Variants in THSD4 observed in about 807,000 individuals in gnomAD.
The protein encoded by THSD4 is thrombospondin type-1 domain-containing protein 4.
In THSD4, 69 loss-of-function variants were observed where a neutral mutation model predicts 119.0. That is an observed-to-expected ratio of 0.58 (90% CI 0.48 to 0.71). The LOEUF is 0.71. Ranked by LOEUF, THSD4 falls within the 30% of genes least tolerant of loss-of-function variation. The probability of loss-of-function intolerance (pLI) is 0.00; values close to 1 mark genes in which losing one functional copy is unlikely to be tolerated. For synonymous variants in THSD4, 524 were observed against 540.4 expected (o/e 0.97, Z 0.42); for missense variants, 1,393 against 1,391.1 (o/e 1.00, Z -0.02).
chr15:71,306,877 T>C (rs1006389822), intron 6 of THSD4, among the ~76,000 whole-genome samples: 12 of 152,208 alleles, frequency 7.9e-5, no homozygotes, highest in Non-Finnish European at 1.5e-4. Flanking sequence ...GCACTTCTCC[T>C]TCACAGAGCA....
At chr15:71,307,285 T>A (rs906716365) in intron 6 of THSD4, among the ~76,000 whole-genome samples, 1 of 152,194 alleles carries the variant, frequency 6.6e-6, no homozygotes, top group African/African-American at 2.4e-5. Context: ...TGGCGGTGGC[T>A]GTGTGACCTC....
intron 7 of THSD4, among the ~76,000 whole-genome samples, chr15:71,504,879 T>C (rs558042209): frequency 1.3e-5 from 2 of 152,366 alleles, no homozygotes; most frequent in Admixed American, 1.3e-4. Flanking sequence ...TCATGTCTCC[T>C]TAGTCTCTTC....
intron 7 of THSD4, among the ~76,000 whole-genome samples, chr15:71,450,177 G>A (rs1004443231): frequency 3.9e-5 from 6 of 152,174 alleles, no homozygotes; most frequent in African/African-American, 9.7e-5. Context: ...AACCCGCTGC[G>A]CCTTGAGTCA....
At chr15:71,214,495 TA>T (rs2043913928) in intron 3 of THSD4, among the ~76,000 whole-genome samples, 1 of 152,190 alleles carries the variant, frequency 6.6e-6, no homozygotes, top group South Asian at 2.1e-4. Flanking sequence ...CTTTAAGAGC[TA>T]TAACGCTCAC....
At position 71,264,833 on chromosome 15, in the gene THSD4, G is replaced by C. The variant is rs143711908; in HGVS notation, c.1015+8118G>C. ...TATCATCCCATGTATCATTTCTTATGTTAATAAAGCTTATTGTGGTTTATA... is the reference window on the plus strand; with the variant it reads ...TATCATCCCATGTATCATTTCTTATCTTAATAAAGCTTATTGTGGTTTATA... On this transcript the variant is annotated intron_variant, in intron 6 of 17. Transcript: ENST00000261862. Among the ~76,000 whole-genome samples the C allele has an allele frequency of 2.6e-5, 4 of 152,228 alleles. No homozygotes were observed. In the East Asian group the frequency reaches 7.7e-4, roughly 29 times the overall value.
At chr15:71,265,050 C>T (rs1368661679) in intron 6 of THSD4, among the ~76,000 whole-genome samples, 1 of 151,958 alleles carries the variant, frequency 6.6e-6, no homozygotes, top group African/African-American at 2.4e-5. Flanking sequence ...AAGAGGAACA[C>T]TAATATTACC....
intron 4 of THSD4, among the ~76,000 whole-genome samples, chr15:71,237,551 A>G (rs1309145613): frequency 6.6e-6 from 1 of 152,194 alleles, no homozygotes; most frequent in Non-Finnish European, 1.5e-5. Context: ...CATCAGCTTC[A>G]TCTGGGAGCT....
At chr15:71,127,760 T>G (rs1445669679) in intron 1 of THSD4, among the ~76,000 whole-genome samples, 1 of 152,172 alleles carries the variant, frequency 6.6e-6, no homozygotes, top group Admixed American at 6.5e-5. Context: ...TTTAATTGGG[T>G]TTTTTATTTT....
intron 6 of THSD4, among the ~76,000 whole-genome samples, chr15:71,361,090 A>G (rs1322632470): frequency 6.6e-6 from 1 of 152,196 alleles, no homozygotes; most frequent in Non-Finnish European, 1.5e-5. Context: ...TGAGCAGGCA[A>G]GGGTGGCACA....
intron 6 of THSD4, among the ~76,000 whole-genome samples, chr15:71,272,515 C>G (rs574673041): frequency 6.7e-4 from 102 of 151,592 alleles, no homozygotes; most frequent in African/African-American, 2.4e-3. Context: ...TTAAAATGCT[C>G]GATACCACTA....
At chr15:71,342,718 G>C (rs1296015840) in intron 6 of THSD4, 5 of 152,316 alleles carry the variant, frequency 3.3e-5, no homozygotes, top group African/African-American at 1.2e-4. Context: ...CTCAGCCATG[G>C]ACGGTGCCTG....
rs1209125227 is a variant in THSD4, at chr15:71,411,589, CAATA to C, written c.1016-95_1016-92del. On this transcript the variant is annotated intron_variant, in intron 6 of 17. Transcript: ENST00000261862. Reference sequence around the variant, plus strand: ...AATTTTGTGTTATACAAATTTTTCTCAATAAAAATTATAGGAAGAAAAAAGGTGC... The same window carrying C: ...AATTTTGTGTTATACAAATTTTTCTCAAAATTATAGGAAGAAAAAAGGTGC... 3.7e-5 allele frequency: 50 copies of C among 1,341,290 alleles called. No homozygotes were observed. The Middle Eastern group carries it at 6.9e-4, about 19-fold the overall frequency. 83.1% of individuals were successfully genotyped at this position (1,341,290 alleles called of 1,614,324 possible). A position where few individuals can be genotyped will look rare whatever the true frequency, so the allele number is the denominator to read the frequency against.
chr15:71,423,711 A>C (rs1057496452), intron 7 of THSD4, among the ~76,000 whole-genome samples: 5 of 152,184 alleles, frequency 3.3e-5, no homozygotes, highest in African/African-American at 1.2e-4. Context: ...GTGCCCCCCA[A>C]GTCCACTAGC....
intron 7 of THSD4, among the ~76,000 whole-genome samples, chr15:71,542,155 A>G (rs1378966235): frequency 6.6e-6 from 1 of 152,254 alleles, no homozygotes; most frequent in Non-Finnish European, 1.5e-5. Context: ...ACAGAAAATC[A>G]CCATTAGAAC....
chr15:71,645,485 C>G (rs2050951300), intron 7 of THSD4, among the ~76,000 whole-genome samples: 1 of 152,118 alleles, frequency 6.6e-6, no homozygotes, highest in Non-Finnish European at 1.5e-5. Context: ...GTTTCTCCCA[C>G]CACACATGAG....
intron 7 of THSD4, among the ~76,000 whole-genome samples, chr15:71,472,039 C>T (rs1010922757): frequency 1.3e-5 from 2 of 152,076 alleles, no homozygotes; most frequent in Admixed American, 1.3e-4. Context: ...CTTAGCCTCC[C>T]GAGTAGCTGG....
intron 7 of THSD4, among the ~76,000 whole-genome samples, chr15:71,579,477 G>A (rs568094402): frequency 2.0e-4 from 30 of 152,368 alleles, no homozygotes; most frequent in African/African-American, 7.2e-4. Context: ...GAGCATAGGT[G>A]TGAAAAATAA....
chr15:71,394,944 G>A (rs745887339), intron 6 of THSD4, among the ~76,000 whole-genome samples: 1 of 152,208 alleles, frequency 6.6e-6, no homozygotes, highest in Non-Finnish European at 1.5e-5. Context: ...CCCAGGAGTC[G>A]TAGGTCTGGA....
At chr15:71,273,254 C>A (rs1165248262) in intron 6 of THSD4, among the ~76,000 whole-genome samples, 1 of 152,128 alleles carries the variant, frequency 6.6e-6, no homozygotes. Flanking sequence ...CATGGGTAAA[C>A]CTGGAGGGCG....
Sources: gnomAD v4.1 joint callset for allele counts (sites outside exome capture counted in the v4.1 genomes callset) on GRCh38, gnomAD v4.1.1 for gene constraint, MANE v1.5 for transcripts, NCBI Gene and HGNC (gene_info 2026-07-23, HGNC 2026-07-21) for gene names.